The following PSG4 variants were observed in gnomAD, a reference collection of about 807,000 sequenced individuals.
PSG4 encodes the protein pregnancy-specific beta-1-glycoprotein 4.
A neutral mutation model predicts 44.3 loss-of-function variants in PSG4; 61 were observed. The observed-to-expected ratio is 1.38, with a 90% CI of 1.12 to 1.70. The LOEUF is 1.70. Among genes scored for constraint, PSG4 ranks in the 40% most tolerant of loss-of-function variants. PSG4 has a pLI of 0.00. For synonymous variants in PSG4, 248 were observed against 191.3 expected (o/e 1.30, Z -2.45); for missense variants, 677 against 511.7 (o/e 1.32, Z -3.12).
intron 2 of PSG4, among the ~76,000 whole-genome samples, chr19:43,201,058 G>A (rs998181719): frequency 1.4e-5 from 2 of 145,430 alleles, no homozygotes; most frequent in African/African-American, 5.3e-5. Context: ...ATGTGCTTTG[G>A]GGACTGCAGG....
In PSG4 at chr19:43,204,095, T is replaced by C. The variant is rs1568390712; in HGVS notation, c.221A>G (p.Tyr74Cys). The change falls in exon 2 of 6, where the codon TAC becomes TGC. Residue 74 changes from tyrosine to cysteine, a missense_variant. Coordinates refer to ENST00000405312, the MANE Select transcript of PSG4 (RefSeq NM_002780.5). ...ATATGATGTAATGTAATGGTAGAGG[T>C]ATGTCATTTGCCCTTTGTACCAAAT... ...GYIWYKGQMT[Y>C]LYHYITSYVV... is the part of the protein sequence containing the mutation. 1 of 1,586,406 alleles carries C rather than the reference T, an allele frequency of 6.3e-7. No homozygotes were observed. The highest frequency in any genetic ancestry group is 1.7e-5 in the Admixed American group (1 of 58,272).
At position 43,194,417 on chromosome 19, in the gene PSG4, C is replaced by G. The variant is rs768831581; in HGVS notation, c.1166G>C (p.Ser389Thr). The G allele has an allele frequency of 1.2e-6, 2 of 1,612,292 alleles. No homozygotes were observed. Among genetic ancestry groups the G allele is most frequent in the Admixed American group, 3.3e-5 (2 of 59,854 alleles). Residue 389 changes from serine to threonine, a missense_variant, in exon 5 of 6, where the codon AGT (serine) becomes ACT (threonine). Ser to Thr is a moderately conservative substitution (Grantham distance 58). Transcript: ENST00000405312. ...ACGAACAGAGCAAGCATAGAGCCCACTATGCTTTGTAGTTATTTGGGGGAT... is the reference window on the plus strand; with the variant it reads ...ACGAACAGAGCAAGCATAGAGCCCAGTATGCTTTGTAGTTATTTGGGGGAT... ...LSIPQITTKH[S>T]GLYACSVRNS...
At chr19:43,194,771 G>A in intron 4 of PSG4, 177 bp from the exon 5 acceptor site, 1 of 1,417,090 alleles carries the variant, frequency 7.1e-7, no homozygotes. Context: ...CCCATCACAA[G>A]TTTTAGGCCC....
At chr19:43,194,649 C>G in intron 4 of PSG4, 55 bp from the exon 5 acceptor site, 1 of 1,570,406 alleles carries the variant, frequency 6.4e-7, no homozygotes, top group Non-Finnish European at 8.6e-7. Context: ...AGGGGATGTT[C>G]CTGGTCTCTT....
chr19:43,204,120 T>A lies in PSG4; in HGVS notation c.196A>T (p.Ile66Phe), dbSNP rs1187994800. 1 of 1,587,422 alleles carries A rather than the reference T, an allele frequency of 6.3e-7. No individual in the cohort carries two copies. Among genetic ancestry groups the A allele is most frequent in the South Asian group, 1.1e-5 (1 of 89,932 alleles). The change falls in exon 2 of 6, where the codon ATT (isoleucine) becomes TTT (phenylalanine). Residue 66 changes from isoleucine to phenylalanine, a missense_variant. By Grantham distance (21) the Ile-to-Phe change is conservative (BLOSUM62 0). Transcript: ENST00000405312. The part of the protein sequence containing the change: ...HNLPQNLAGY[I>F]WYKGQMTYLY... ...TATGTCATTTGCCCTTTGTACCAAA[T>A]GTAGCCAGCAAGATTCTGGGGCAAA...
intron 2 of PSG4, among the ~76,000 whole-genome samples, chr19:43,201,953 G>A (rs1967532581): frequency 6.9e-6 from 1 of 144,248 alleles, no homozygotes; most frequent in South Asian, 2.2e-4. Flanking sequence ...AGCCCTTGAA[G>A]GGAATACAGT....
Position 43,199,534 on chromosome 19 carries a change from T to A in PSG4, c.431-1259A>T, listed in dbSNP as rs1442538364. On this transcript the variant is annotated intron_variant, in intron 2 of 5. Transcript: ENST00000405312. ...GGTTTAGCATCCCAAATCTGAAAAA[T>A]TTAAAATCCACAATGCGCCAGTGAG... 2.1e-5 allele frequency among the ~76,000 whole-genome samples: 3 copies of A among 145,674 alleles called. No homozygotes were observed. In the East Asian group the frequency reaches 7.0e-4, roughly 34 times the overall value.
chr19:43,193,872 A>G (rs992387641), intron 5 of PSG4: 2 of 657,958 alleles, frequency 3.0e-6, no homozygotes, highest in Non-Finnish European at 5.5e-6. Context: ...GTATTACCAT[A>G]AACATATCAA....
At chr19:43,199,244 A>T (rs182811009) in intron 2 of PSG4, among the ~76,000 whole-genome samples, 2 of 145,120 alleles carry the variant, frequency 1.4e-5, no homozygotes, top group African/African-American at 2.7e-5. Flanking sequence ...TCTGAGTTTG[A>T]CTACTCTATG....
At chr19:43,197,613 A>G (rs1967307175) in intron 3 of PSG4, 1 of 271,202 alleles carries the variant, frequency 3.7e-6, no homozygotes, top group Admixed American at 4.8e-5. Flanking sequence ...CAAAGAGAAT[A>G]AAGTCACAGG....
chr19:43,194,592 C>T lies in PSG4; in HGVS notation c.991G>A (p.Gly331Ser). 1 of 1,608,686 alleles carries T rather than the reference C, an allele frequency of 6.2e-7. No individual in the cohort carries two copies. The highest frequency in any genetic ancestry group is 8.5e-7 in the Non-Finnish European group (1 of 1,176,904). Residue 331 changes from glycine to serine, a missense_variant and splice_region_variant, in exon 5 of 6, where the codon GGT (glycine) becomes AGT (serine). Gly to Ser is a moderately conservative substitution (Grantham distance 56, BLOSUM62 0). Coordinates refer to ENST00000405312, the MANE Select transcript of PSG4 (RefSeq NM_002780.5). ...SDPVTLNVLY[G>S]PDLPSIYPSF... is the part of the protein sequence containing the mutation. ...GGGTAAATGCTGGGGAGGTCTGGACCATCTGGCGCAAAGAGAATAAAGCCA... is the reference window on the plus strand; with the variant it reads ...GGGTAAATGCTGGGGAGGTCTGGACTATCTGGCGCAAAGAGAATAAAGCCA...
chr19:43,193,829 G>C (rs1419107472), intron 5 of PSG4: 1 of 574,808 alleles, frequency 1.7e-6, no homozygotes, highest in Non-Finnish European at 3.1e-6. Flanking sequence ...GTTACAAAGA[G>C]AGCAGATTGT....
chr19:43,194,670 A>G, intron 4 of PSG4, 76 bp from the exon 5 acceptor site: 4 of 1,542,906 alleles, frequency 2.6e-6, no homozygotes, highest in Non-Finnish European at 3.5e-6. Context: ...AAAGGGACAC[A>G]GTTACCCTCT....
chr19:43,195,076 T>A lies in PSG4; in HGVS notation c.907A>T (p.Asn303Tyr), dbSNP rs1326044879. ...RILILPNVTRNETGPYQCEIR... is the reference protein window; with the variant it reads ...RILILPNVTRYETGPYQCEIR... ...TCACATTGATAAGGTCCTGTTTCAT[T>A]TCTCGTGACATTGGGTAGAATGAGG... The change falls in exon 4 of 6, where the codon AAT becomes TAT. Residue 303 changes from asparagine (N) to tyrosine (Y), a missense_variant. Asn to Tyr is a moderately radical substitution (Grantham distance 143). Transcript: ENST00000405312. The A allele has an allele frequency of 1.2e-6, 2 of 1,611,434 alleles. No homozygotes were observed. The highest frequency in any genetic ancestry group is 2.2e-5 in the South Asian group (2 of 90,990).
chr19:43,203,105 G>A (rs1187183319), intron 2 of PSG4: 2 of 145,892 alleles, frequency 1.4e-5, no homozygotes, highest in Admixed American at 6.8e-5. Flanking sequence ...GCACAGTGGA[G>A]GTTTCACACA....
chr19:43,194,594 T>A lies in PSG4; in HGVS notation c.989A>T (p.Tyr330Phe). The A allele has an allele frequency of 6.2e-7, 1 of 1,608,624 alleles. No individual in the cohort carries two copies. Among genetic ancestry groups the A allele is most frequent in the Non-Finnish European group, 8.5e-7 (1 of 1,176,880 alleles). The change falls in exon 5 of 6, where the codon TAT (tyrosine) becomes TTT (phenylalanine). Residue 330 changes from tyrosine (Y) to phenylalanine (F), a missense_variant and splice_region_variant. Tyr to Phe is a conservative substitution (Grantham distance 22). Coordinates refer to ENST00000405312, the MANE Select transcript of PSG4 (RefSeq NM_002780.5). Reference protein sequence around the residue: ...RSDPVTLNVLYGPDLPSIYPS... With the variant: ...RSDPVTLNVLFGPDLPSIYPS... ...GTAAATGCTGGGGAGGTCTGGACCA[T>A]CTGGCGCAAAGAGAATAAAGCCATA...
intron 5 of PSG4, chr19:43,194,068 A>G: frequency 2.5e-6 from 3 of 1,198,940 alleles, no homozygotes; most frequent in South Asian, 3.3e-5. Flanking sequence ...AATAAAAATC[A>G]TAAAAATATT....
At chr19:43,199,157 G>A (rs35352398) in intron 2 of PSG4, among the ~76,000 whole-genome samples, 38,572 of 145,254 alleles carry the variant, frequency 0.27, 8,245 homozygotes, top group African/African-American at 0.3. Flanking sequence ...GACCATATGC[G>A]TTTGGTGGAT....
chr19:43,203,576 G>T (rs1344959326), intron 2 of PSG4: 2 of 376,268 alleles, frequency 5.3e-6, no homozygotes, highest in African/African-American at 4.5e-5. Flanking sequence ...AGTTCTCCAG[G>T]GTCTTTGTCA....
Sources: allele counts gnomAD v4.1 joint callset (sites outside exome capture counted in the v4.1 genomes callset), GRCh38; gene constraint gnomAD v4.1.1; transcripts MANE v1.5; gene names NCBI Gene and HGNC (gene_info 2026-07-23, HGNC 2026-07-21).